Variants in DNAH5 observed in about 807,000 individuals in gnomAD.
DNAH5 encodes dynein axonemal heavy chain 5.
A neutral mutation model predicts 518.2 loss-of-function variants in DNAH5; 372 were observed. That is an observed-to-expected ratio of 0.72 (90% CI 0.66 to 0.78). The LOEUF is 0.78. DNAH5 is among the 30% of genes least tolerant of loss of function. The pLI, the probability that DNAH5 is intolerant of heterozygous loss-of-function variation, is 0.00. For synonymous variants in DNAH5, 2,039 were observed against 2,025.9 expected, an observed-to-expected ratio of 1.01 and a Z score of -0.17; for missense variants, 5,523 against 5,687.0, an observed-to-expected ratio of 0.97 and a Z score of 0.93.
intron 47 of DNAH5, among the ~76,000 whole-genome samples, chr5:13,802,793 A>G (rs948890590): frequency 2.6e-5 from 4 of 152,222 alleles, no homozygotes; most frequent in Non-Finnish European, 1.5e-5. Context: ...ACTAGGCTGA[A>G]AGTCAGGAAA....
At chr5:13,944,356 C>A (rs779737388) in intron 1 of DNAH5, 26 bp downstream of exon 1, 6 of 1,610,284 alleles carry the variant, frequency 3.7e-6, no homozygotes, top group Non-Finnish European at 5.1e-6. Flanking sequence ...AACACACATG[C>A]AAAGGTACAG....
At chr5:13,899,906 A>G in intron 15 of DNAH5, 1 of 365,446 alleles carries the variant, frequency 2.7e-6, no homozygotes, top group Non-Finnish European at 5.0e-6. Flanking sequence ...TCCATTTTCC[A>G]CCCAGCAGTA....
At chr5:13,701,524 G>A in intron 76 of DNAH5, 88 bp from the exon 77 acceptor site, 3 of 1,243,460 alleles carry the variant, frequency 2.4e-6, no homozygotes, top group Non-Finnish European at 2.3e-6. Flanking sequence ...AAAAAAAGAT[G>A]AAATATCAAT....
chr5:13,738,920 G>C (rs761722294), intron 65 of DNAH5, among the ~76,000 whole-genome samples: 1 of 152,122 alleles, frequency 6.6e-6, no homozygotes, highest in Non-Finnish European at 1.5e-5. Context: ...CCTGGATGTG[G>C]AGTCCATTGA....
chr5:14,004,869 T>C (rs899909884), intron 1 of DNAH5, among the ~76,000 whole-genome samples: 3 of 152,080 alleles, frequency 2.0e-5, no homozygotes, highest in Non-Finnish European at 4.4e-5. Flanking sequence ...CCTCTCAATC[T>C]CCTTTATTAT....
At position 13,913,897 on chromosome 5, in the gene DNAH5, T is replaced by C. The variant is rs886060013; in HGVS notation, c.1382A>G (p.Gln461Arg). 19 of 1,613,508 alleles carry C rather than the reference T, an allele frequency of 1.2e-5. No individual in the cohort carries two copies. Among genetic ancestry groups the C allele is most frequent in the Admixed American group, 1.7e-5 (1 of 59,978 alleles). ...QKLKQNPNAK[Q>R]FDFSEMYIFG... ...AATATACATCTCGCTAAAATCAAAT[T>C]GTTTTGCATTTGGATTTTGTTTAAG... The change falls in exon 11 of 79, where the codon CAA becomes CGA. Residue 461 changes from glutamine (Q) to arginine (R), a missense_variant. By Grantham distance (43) the Gln-to-Arg change is conservative. Around this residue, in one of 3 missense-constraint regions of DNAH5, gnomAD observed 5,121 missense variants for 5,223.3 expected, o/e 0.98. Coordinates refer to ENST00000265104, the MANE Select transcript of DNAH5 (RefSeq NM_001369.3).
intron 51 of DNAH5, among the ~76,000 whole-genome samples, chr5:13,787,497 A>G (rs13355786): frequency 0.018 from 2,725 of 152,248 alleles, 78 homozygotes; most frequent in African/African-American, 0.062. Flanking sequence ...CTCACTAATC[A>G]AATTCCAGTA....
At chr5:13,916,733 A>C (rs1314146147) in intron 8 of DNAH5, among the ~76,000 whole-genome samples, 1 of 152,156 alleles carries the variant, frequency 6.6e-6, no homozygotes, top group Non-Finnish European at 1.5e-5. Flanking sequence ...ATAAACTGTT[A>C]ATAACAGTTA....
At chr5:13,955,322 G>A (rs915021034) in intron 1 of DNAH5, among the ~76,000 whole-genome samples, 11 of 152,098 alleles carry the variant, frequency 7.2e-5, no homozygotes, top group Non-Finnish European at 1.0e-4. Context: ...TTAAGCCTGT[G>A]GAAACATGAA....
chr5:13,911,504 A>G lies in DNAH5; in HGVS notation c.1537-11T>C. The G allele has an allele frequency of 3.8e-6, 6 of 1,586,570 alleles. No individual in the cohort carries two copies. Among genetic ancestry groups the G allele is most frequent in the Non-Finnish European group, 5.2e-6 (6 of 1,155,624 alleles). ...GGTTGCCACAATGCCCTGAAATATT[A>G]TGAGATAAATTAGATAATATTTCAA... On this transcript the variant is annotated splice_polypyrimidine_tract_variant and intron_variant, in intron 11 of 78. Coordinates refer to ENST00000265104, the MANE Select transcript of DNAH5 (RefSeq NM_001369.3).
At chr5:14,009,417 T>C (rs890240603) in intron 1 of DNAH5, among the ~76,000 whole-genome samples, 1 of 152,248 alleles carries the variant, frequency 6.6e-6, no homozygotes, top group Admixed American at 6.5e-5. Flanking sequence ...CCTGCGAGAA[T>C]TGAACATTCT....
chr5:13,898,691 A>G, intron 15 of DNAH5: 1 of 398,476 alleles, frequency 2.5e-6, no homozygotes, highest in East Asian at 3.6e-5. Context: ...AGAAAAGATC[A>G]GATGAAATAA....
chr5:13,886,656 G>A (rs1772484634), intron 17 of DNAH5, among the ~76,000 whole-genome samples: 1 of 152,168 alleles, frequency 6.6e-6, no homozygotes, highest in Non-Finnish European at 1.5e-5. Flanking sequence ...GATATAGACA[G>A]AATCAGTGAT....
chr5:13,841,922 A>T lies in DNAH5; in HGVS notation c.5272-18T>A. 1.0e-6 allele frequency: 1 copy of T among 964,410 alleles called. No homozygotes were observed. The highest frequency in any genetic ancestry group is 1.5e-6 in the Non-Finnish European group (1 of 653,948). 59.7% of individuals were successfully genotyped at this position (964,410 alleles called of 1,614,324 possible). A position where few individuals can be genotyped will look rare whatever the true frequency, so the allele number is the denominator to read the frequency against. On this transcript the variant is annotated intron_variant, in intron 32 of 78. Transcript: ENST00000265104. ...TCATAGATCTATGTTAGAAACCAAAAAAAAAAAAAAAAAAAGCTATAGTCA... is the reference window on the plus strand; with the variant it reads ...TCATAGATCTATGTTAGAAACCAAATAAAAAAAAAAAAAAAGCTATAGTCA...
At chr5:13,861,811 G>C (rs1020450305) in intron 29 of DNAH5, among the ~76,000 whole-genome samples, 4 of 151,986 alleles carry the variant, frequency 2.6e-5, no homozygotes, top group African/African-American at 4.8e-5. Flanking sequence ...ACAAAAATTA[G>C]CCAGGCGTGG....
chr5:13,889,727 T>C (rs1772927772), intron 17 of DNAH5, among the ~76,000 whole-genome samples: 1 of 152,050 alleles, frequency 6.6e-6, no homozygotes, highest in South Asian at 2.1e-4. Flanking sequence ...GCAGAAACAT[T>C]GCACAGAGGG....
intron 16 of DNAH5, 63 bp from the exon 17 acceptor site, chr5:13,891,184 T>G: frequency 6.4e-7 from 1 of 1,550,476 alleles, no homozygotes; most frequent in Non-Finnish European, 8.9e-7. Flanking sequence ...TTTAAAAAAA[T>G]CAACACTTGA....
chr5:14,004,899 C>T (rs545897543), intron 1 of DNAH5, among the ~76,000 whole-genome samples: 5 of 151,212 alleles, frequency 3.3e-5, no homozygotes, highest in East Asian at 1.9e-4. Flanking sequence ...TAGATTTCTG[C>T]GATCACCTCC....
At chr5:13,927,178 T>C (rs1037258848) in intron 3 of DNAH5, among the ~76,000 whole-genome samples, 5 of 152,192 alleles carry the variant, frequency 3.3e-5, no homozygotes, top group African/African-American at 1.2e-4. Context: ...GAATAGACTA[T>C]GCCAGTTGAA....
Sources: gnomAD v4.1 joint callset for allele counts (sites outside exome capture counted in the v4.1 genomes callset) on GRCh38, gnomAD v4.1.1 for gene constraint, gnomAD v4.1.1 regional missense constraint, MANE v1.5 for transcripts, NCBI Gene and HGNC (gene_info 2026-07-23, HGNC 2026-07-21) for gene names.